CSPP1: variants seen among roughly 807,000 people sequenced by gnomAD.
CSPP1 encodes the protein centrosome and spindle pole-associated protein 1.
A neutral mutation model predicts 164.4 loss-of-function variants in CSPP1; 126 were observed. The ratio of observed to expected loss-of-function variants is 0.77; its 90% CI spans 0.66 to 0.89. CSPP1 has a LOEUF of 0.89. CSPP1 is among the 40% of genes least tolerant of loss of function. The probability of loss-of-function intolerance (pLI) is 0.00; values close to 1 mark genes in which losing one functional copy is unlikely to be tolerated. For synonymous variants in CSPP1, 472 were observed against 476.7 expected (o/e 0.99, Z 0.13); for missense variants, 1,395 against 1,449.8 (o/e 0.96, Z 0.61).
chr8:67,131,708 T>A (rs1483706685), intron 15 of CSPP1, among the ~76,000 whole-genome samples: 2 of 152,226 alleles, frequency 1.3e-5, no homozygotes, highest in East Asian at 3.8e-4. Context: ...TTTTCACTCC[T>A]GTGTAACTAT....
intron 24 of CSPP1, among the ~76,000 whole-genome samples, chr8:67,171,744 C>T (rs1399775655): frequency 6.6e-6 from 1 of 152,094 alleles, no homozygotes; most frequent in South Asian, 2.1e-4. Flanking sequence ...GACAGGGTTT[C>T]ACCATTTTGG....
intron 5 of CSPP1, among the ~76,000 whole-genome samples, chr8:67,092,491 G>A (rs1259943240): frequency 6.6e-6 from 1 of 152,106 alleles, no homozygotes; most frequent in African/African-American, 2.4e-5. Flanking sequence ...AGGCTGGAGG[G>A]CAGTGGCGGG....
In CSPP1 at chr8:67,158,540, C is replaced by A; in HGVS notation, c.2335C>A (p.Arg779=). 6.2e-7 allele frequency: 1 copy of A among 1,610,488 alleles called. No individual in the cohort carries two copies. The highest frequency in any genetic ancestry group is 1.7e-5 in the Admixed American group (1 of 59,804). Residue 779 remains arginine (R), a synonymous_variant, in exon 20 of 31, where the codon CGA becomes AGA. Coordinates refer to ENST00000678616, the MANE Select transcript of CSPP1 (RefSeq NM_001382391.1). ...EERRLAEQRA[R]IQQEYEEEQE... The stretch of plus-strand genomic sequence containing the variant: ...AAGACGGCTTGCAGAACAGAGGGCA[C>A]GAATTCAGCAGGAGTATGAAGAGGA...
At chr8:67,071,157 G>A (rs1806695066) in intron 1 of CSPP1, among the ~76,000 whole-genome samples, 1 of 152,000 alleles carries the variant, frequency 6.6e-6, no homozygotes, top group Non-Finnish European at 1.5e-5. Context: ...ATTCTTTTAG[G>A]TAAAGCCTGC....
At chr8:67,163,587 G>A (rs1828777177) in intron 22 of CSPP1, 145 bp from the exon 23 acceptor site, 3 of 598,626 alleles carry the variant, frequency 5.0e-6, no homozygotes, top group South Asian at 4.2e-5. Context: ...TCTACCTTGG[G>A]TAGAGTATAG....
In CSPP1 at chr8:67,120,904, A is replaced by T. The variant is rs570320816; in HGVS notation, c.1697+2083A>T. Among the ~76,000 whole-genome samples the T allele has an allele frequency of 2.3e-4, 35 of 150,060 alleles. 1 individual carries two copies. The South Asian group carries it at 7.0e-3, about 30-fold the overall frequency. Reference sequence around the variant, plus strand: ...AGTCTCACCCTGTCACCCAGGCTGGAGTACAATGTTGTGAACTTGGCTCAC... The same window carrying T: ...AGTCTCACCCTGTCACCCAGGCTGGTGTACAATGTTGTGAACTTGGCTCAC... On this transcript the variant is annotated intron_variant, in intron 15 of 30. Transcript: ENST00000678616.
intron 3 of CSPP1, among the ~76,000 whole-genome samples, chr8:67,083,310 G>T (rs543122452): frequency 1.3e-5 from 2 of 151,676 alleles, no homozygotes; most frequent in East Asian, 3.9e-4. Flanking sequence ...AAGGTGGGCG[G>T]ATCATGAGGT....
At position 67,154,114 on chromosome 8, in the gene CSPP1, A is replaced by G. The variant is rs1826223575; in HGVS notation, c.2219A>G (p.Tyr740Cys). The G allele has an allele frequency of 6.4e-7, 1 of 1,562,270 alleles. No individual in the cohort carries two copies. The highest frequency in any genetic ancestry group is 1.7e-4 in the Middle Eastern group (1 of 5,966). ...TELQIKQQEL[Y>C]KNFLRFQIEE... The stretch of plus-strand genomic sequence containing the variant: ...CTTCAGATTAAACAGCAAGAATTAT[A>G]CAAGAATTTTCTTCGTTTCCAGGTG... Residue 740 changes from tyrosine to cysteine, a missense_variant, in exon 19 of 31, where the codon TAC (tyrosine) becomes TGC (cysteine). Coordinates refer to ENST00000678616, the MANE Select transcript of CSPP1 (RefSeq NM_001382391.1).
intron 15 of CSPP1, among the ~76,000 whole-genome samples, chr8:67,122,882 G>GTGTGTGTGTGTGTT (rs1819246054): frequency 6.6e-6 from 1 of 151,698 alleles, no homozygotes; most frequent in Non-Finnish European, 1.5e-5. Context: ...CTCTGTGTGT[G>GTGTGTGTGTGTGTT]TGTGTGTGTG....
chr8:67,113,436 T>C (rs1395763650), intron 10 of CSPP1, among the ~76,000 whole-genome samples: 3 of 152,194 alleles, frequency 2.0e-5, no homozygotes, highest in African/African-American at 7.2e-5. Context: ...ATGGTAGATA[T>C]ATTTAAATTT....
At chr8:67,084,747 G>GA (rs1014798378) in intron 3 of CSPP1, among the ~76,000 whole-genome samples, 197 of 124,830 alleles carry the variant, frequency 1.6e-3, no homozygotes, top group Middle Eastern at 4.3e-3. Context: ...TAAAGAGAGA[G>GA]AAAAAAAAAA....
intron 1 of CSPP1, among the ~76,000 whole-genome samples, chr8:67,072,869 CAAAAAAAAAAAA>C (rs58087584): frequency 6.7e-5 from 4 of 59,324 alleles, no homozygotes; most frequent in African/African-American, 2.1e-4. Flanking sequence ...GAGCCTGTCT[CAAAAAAAAAAAA>C]AAAAAAAAAG....
intron 15 of CSPP1, among the ~76,000 whole-genome samples, chr8:67,127,858 T>C (rs548804756): frequency 6.6e-6 from 1 of 152,342 alleles, no homozygotes; most frequent in Non-Finnish European, 1.5e-5. Context: ...GATAACTGAG[T>C]GACCAGCTGA....
intron 8 of CSPP1, among the ~76,000 whole-genome samples, chr8:67,104,145 T>C (rs899668055): frequency 2.0e-5 from 3 of 152,218 alleles, no homozygotes. Context: ...TCTATTTTTT[T>C]CTAAGAAAAG....
At chr8:67,159,199 T>C (rs1827241341) in intron 21 of CSPP1, 62 bp downstream of exon 21, 1 of 1,440,654 alleles carries the variant, frequency 6.9e-7, no homozygotes, top group South Asian at 1.3e-5. Flanking sequence ...CTGTGAGAGT[T>C]GTACAGTTGT....
At chr8:67,157,037 G>A (rs1359992345) in intron 19 of CSPP1, among the ~76,000 whole-genome samples, 1 of 152,114 alleles carries the variant, frequency 6.6e-6, no homozygotes, top group Non-Finnish European at 1.5e-5. Flanking sequence ...CTTTGATTTT[G>A]ATGGAAAAGT....
chr8:67,081,495 G>C (rs1341364291), intron 3 of CSPP1, among the ~76,000 whole-genome samples: 1 of 151,984 alleles, frequency 6.6e-6, no homozygotes, highest in Non-Finnish European at 1.5e-5. Flanking sequence ...TAAATTAAGA[G>C]AAAGTCACCT....
chr8:67,096,194 AT>A lies in CSPP1; in HGVS notation c.923+463del, dbSNP rs201927820. The stretch of plus-strand genomic sequence containing the variant: ...CAAGAATTCAGAGTTTTCTCAATTC[AT>A]AGTGCTCTTGGATGAGGGGAAAAAT... On this transcript the variant is annotated intron_variant, in intron 7 of 30. Coordinates refer to ENST00000678616, the MANE Select transcript of CSPP1 (RefSeq NM_001382391.1). Among the ~76,000 whole-genome samples the A allele has an allele frequency of 1.5e-4, 23 of 152,342 alleles. No homozygotes were observed. In the East Asian group the frequency reaches 4.4e-3, roughly 29 times the overall value.
In CSPP1 at chr8:67,185,140, C is replaced by CA. The variant is rs1011572892; in HGVS notation, c.3220+5220dup. The stretch of plus-strand genomic sequence containing the variant: ...AAACAAAAACAAACAAACAAACAAA[C>CA]AAAAAACACAACATAGTCCAAGAGC... On this transcript the variant is annotated intron_variant, in intron 28 of 30. Transcript: ENST00000678616. 4.3e-3 allele frequency among the ~76,000 whole-genome samples: 637 copies of CA among 149,780 alleles called. 9 individuals carry two copies. The highest frequency in any genetic ancestry group is 0.015 in the African/African-American group (604 of 39,944).
Sources: allele counts gnomAD v4.1 joint callset (sites outside exome capture counted in the v4.1 genomes callset), GRCh38; gene constraint gnomAD v4.1.1; transcripts MANE v1.5; gene names NCBI Gene and HGNC (gene_info 2026-07-23, HGNC 2026-07-21).